LRRC40: variants seen among roughly 807,000 people sequenced by gnomAD.
LRRC40 encodes leucine rich repeat containing 40.
In LRRC40, 76 loss-of-function variants were observed where a neutral mutation model predicts 72.8. That is an observed-to-expected ratio of 1.04 (90% CI 0.87 to 1.26). The LOEUF is 1.26. LRRC40 is among the 50% of genes most tolerant of loss of function. The probability of loss-of-function intolerance (pLI) is 0.00; values close to 1 mark genes in which losing one functional copy is unlikely to be tolerated. For synonymous variants in LRRC40, 243 were observed against 254.2 expected (o/e 0.96, Z 0.42); for missense variants, 684 against 698.9 (o/e 0.98, Z 0.24).
At chr1:70,183,135 T>C (rs1342478499) in intron 4 of LRRC40, among the ~76,000 whole-genome samples, 1 of 152,198 alleles carries the variant, frequency 6.6e-6, no homozygotes, top group Admixed American at 6.5e-5. Flanking sequence ...AGAGTATATA[T>C]TTTGACTTTT....
chr1:70,182,779 TTTAAA>T (rs1668274647), intron 4 of LRRC40, among the ~76,000 whole-genome samples: 1 of 152,140 alleles, frequency 6.6e-6, no homozygotes, highest in African/African-American at 2.4e-5. Context: ...ATATTACTAG[TTTAAA>T]TTATAGGTGT....
At position 70,175,916 on chromosome 1, in the gene LRRC40, T is replaced by C. The variant is rs1306832581; in HGVS notation, c.871A>G (p.Ile291Val). 5 of 1,601,186 alleles carry C rather than the reference T, an allele frequency of 3.1e-6. No homozygotes were observed. The highest frequency in any genetic ancestry group is 1.1e-5 in the South Asian group (1 of 87,880). The change falls in exon 7 of 15, where the codon ATT becomes GTT. Residue 291 changes from isoleucine (I) to valine (V), a missense_variant. By Grantham distance (29) the Ile-to-Val change is conservative (BLOSUM62 3). Coordinates refer to ENST00000370952, the MANE Select transcript of LRRC40 (RefSeq NM_017768.5). ...EAEHLKHLNS[I>V]LVLDLRDNKL... ...TTATCCCTCAGGTCTAGCACAAGAA[T>C]TGAATTCAGATGTTTAAGATGTTCT... is the stretch of plus-strand genomic sequence containing the variant.
chr1:70,189,938 C>A (rs1668455336), intron 1 of LRRC40, among the ~76,000 whole-genome samples: 1 of 152,176 alleles, frequency 6.6e-6, no homozygotes, highest in African/African-American at 2.4e-5. Flanking sequence ...AAATATCTGA[C>A]TTTGGTAGCT....
Position 70,175,999 on chromosome 1 carries a change from G to A in LRRC40, c.805-17C>T. 1 of 1,513,676 alleles carries A rather than the reference G, an allele frequency of 6.6e-7. No individual in the cohort carries two copies. Among genetic ancestry groups the A allele is most frequent in the Non-Finnish European group, 8.9e-7 (1 of 1,128,462 alleles). The allele number at this position is 1,513,676 out of a possible 1,614,324, so 93.8% of individuals were successfully genotyped here. On this transcript the variant is annotated splice_polypyrimidine_tract_variant and intron_variant, in intron 6 of 14. Coordinates refer to ENST00000370952, the MANE Select transcript of LRRC40 (RefSeq NM_017768.5). ...GTGCAATTCCTACAAAATCAAAGAT[G>A]AGTTATGTGTATCTCTGTATTCAAT...
In LRRC40 at chr1:70,184,915, C is replaced by A; in HGVS notation, c.408-1G>T. ...AGGGAGTATTTTCAGTTTATTATGGCTATTGGTTGATAAAATAAATGATGA... is the reference window on the plus strand; with the variant it reads ...AGGGAGTATTTTCAGTTTATTATGGATATTGGTTGATAAAATAAATGATGA... On this transcript the variant is annotated splice_acceptor_variant, in intron 3 of 14. Coordinates refer to ENST00000370952, the MANE Select transcript of LRRC40 (RefSeq NM_017768.5). LOFTEE classifies it high-confidence loss of function. 1 of 1,585,276 alleles carries A rather than the reference C, an allele frequency of 6.3e-7. No homozygotes were observed. Among genetic ancestry groups the A allele is most frequent in the Non-Finnish European group, 8.6e-7 (1 of 1,163,236 alleles).
chr1:70,148,567 C>T lies in LRRC40; in HGVS notation c.1623G>A (p.Met541Ile). The T allele has an allele frequency of 6.2e-7, 1 of 1,613,422 alleles. No individual in the cohort carries two copies. The highest frequency in any genetic ancestry group is 8.5e-7 in the Non-Finnish European group (1 of 1,179,550). The change falls in exon 14 of 15, where the codon ATG (methionine) becomes ATA (isoleucine). Residue 541 changes from methionine to isoleucine, a missense_variant. Met to Ile is a conservative substitution (Grantham distance 10). Transcript: ENST00000370952. ...GAAGGTCCAACGTGGTCAGATTTTC[C>T]ATCATCTTCATTTTCTGAGGGTCCA... ...GSVDPQKMKM[M>I]ENLTTLDLQN...
At chr1:70,177,902 C>T (rs970482575) in intron 6 of LRRC40, among the ~76,000 whole-genome samples, 3 of 152,118 alleles carry the variant, frequency 2.0e-5, no homozygotes, top group Non-Finnish European at 2.9e-5. Context: ...CTACTCAACA[C>T]GAGGACAATG....
At chr1:70,204,227 T>C (rs1053243479) in intron 1 of LRRC40, among the ~76,000 whole-genome samples, 2 of 152,240 alleles carry the variant, frequency 1.3e-5, no homozygotes, top group South Asian at 4.1e-4. Flanking sequence ...GACTCTACTA[T>C]GTACCAAGCA....
intron 9 of LRRC40, among the ~76,000 whole-genome samples, chr1:70,172,982 T>A (rs1668030246): frequency 6.6e-6 from 1 of 152,138 alleles, no homozygotes; most frequent in Non-Finnish European, 1.5e-5. Context: ...TATTAAAAAT[T>A]AAGTTTATTG....
chr1:70,188,642 A>C (rs1668421996), intron 2 of LRRC40, among the ~76,000 whole-genome samples: 1 of 152,106 alleles, frequency 6.6e-6, no homozygotes, highest in Non-Finnish European at 1.5e-5. Context: ...AGACTGAGGC[A>C]GGAGAATTGC....
intron 1 of LRRC40, among the ~76,000 whole-genome samples, chr1:70,198,931 G>A (rs567102807): frequency 7.9e-5 from 12 of 151,904 alleles, no homozygotes; most frequent in Non-Finnish European, 1.5e-4. Flanking sequence ...TGGACAGGTC[G>A]CTTGAGCTCA....
chr1:70,198,859 T>TA (rs2100351128), intron 1 of LRRC40, among the ~76,000 whole-genome samples: 1 of 152,034 alleles, frequency 6.6e-6, no homozygotes, highest in East Asian at 1.9e-4. Flanking sequence ...TTGTTAAAAA[T>TA]AAAAAATAGG....
At chr1:70,190,800 TCTCTA>T (rs1015716159) in intron 1 of LRRC40, among the ~76,000 whole-genome samples, 26 of 152,014 alleles carry the variant, frequency 1.7e-4, no homozygotes, top group African/African-American at 6.3e-4. Flanking sequence ...ATTCTCTGCT[TCTCTA>T]CTCTTCTACC....
intron 4 of LRRC40, among the ~76,000 whole-genome samples, chr1:70,181,418 T>C (rs755240360): frequency 1.3e-5 from 2 of 152,078 alleles, no homozygotes; most frequent in Admixed American, 6.5e-5. Flanking sequence ...GCCCACTATA[T>C]GTTCATCAAT....
At chr1:70,161,903 TAAAC>T (rs1360461940) in intron 9 of LRRC40, among the ~76,000 whole-genome samples, 4 of 152,088 alleles carry the variant, frequency 2.6e-5, no homozygotes, top group East Asian at 1.9e-4. Context: ...GTGGACAAAA[TAAAC>T]AAAAATTACA....
intron 9 of LRRC40, among the ~76,000 whole-genome samples, chr1:70,162,270 T>C (rs1667781004): frequency 6.6e-6 from 1 of 150,986 alleles, no homozygotes; most frequent in Non-Finnish European, 1.5e-5. Flanking sequence ...AAGGATGGAG[T>C]GGGTGGCTAC....
At chr1:70,179,646 A>T (rs1668198239) in intron 5 of LRRC40, among the ~76,000 whole-genome samples, 1 of 152,136 alleles carries the variant, frequency 6.6e-6, no homozygotes, top group African/African-American at 2.4e-5. Context: ...ATAAACTCAA[A>T]TGTATTTTTA....
intron 13 of LRRC40, among the ~76,000 whole-genome samples, chr1:70,149,665 A>G (rs1667417450): frequency 1.3e-5 from 2 of 152,224 alleles, no homozygotes; most frequent in South Asian, 4.1e-4. Context: ...AGATGTGAGA[A>G]GTGCACATAT....
intron 11 of LRRC40, among the ~76,000 whole-genome samples, chr1:70,153,750 G>A (rs1031438042): frequency 3.3e-5 from 5 of 152,212 alleles, no homozygotes; most frequent in African/African-American, 1.2e-4. Context: ...GGAAGGCCAA[G>A]GCAAGTGGAT....
Sources: gnomAD v4.1 joint callset for allele counts (sites outside exome capture counted in the v4.1 genomes callset) on GRCh38, gnomAD v4.1.1 for gene constraint, MANE v1.5 for transcripts, NCBI Gene and HGNC (gene_info 2026-07-23, HGNC 2026-07-21) for gene names.